Variants in SLC18A2 observed in about 807,000 individuals in gnomAD.
SLC18A2 encodes synaptic vesicular amine transporter.
In SLC18A2, 33 loss-of-function variants were observed where a neutral mutation model predicts 59.2. That is an observed-to-expected ratio of 0.56 (90% CI 0.42 to 0.75). The LOEUF is 0.75. Among genes scored for constraint, SLC18A2 ranks in the 30% least tolerant of loss-of-function variants. The pLI, the probability that SLC18A2 is intolerant of heterozygous loss-of-function variation, is 0.00. For synonymous variants in SLC18A2, 228 were observed against 253.5 expected (o/e 0.90, Z 0.95); for missense variants, 569 against 668.6 (o/e 0.85, Z 1.64).
intron 10 of SLC18A2, among the ~76,000 whole-genome samples, chr10:117,262,557 A>C (rs1410825150): frequency 6.6e-6 from 1 of 151,648 alleles, no homozygotes; most frequent in Non-Finnish European, 1.5e-5. Context: ...CCTTGAGGTG[A>C]TGTGGATCTC....
At chr10:117,268,416 A>G (rs1356584207) in intron 13 of SLC18A2, 1 of 152,260 alleles carries the variant, frequency 6.6e-6, no homozygotes, top group Non-Finnish European at 1.5e-5. Flanking sequence ...AGAACTCAGT[A>G]TGGTACTCTA....
At chr10:117,247,560 T>G (rs1844121413) in intron 3 of SLC18A2, among the ~76,000 whole-genome samples, 1 of 152,236 alleles carries the variant, frequency 6.6e-6, no homozygotes, top group African/African-American at 2.4e-5. Flanking sequence ...TCTGTCTTTC[T>G]TGCACTGACT....
In SLC18A2 at chr10:117,255,681, G is replaced by A. The variant is rs371737277; in HGVS notation, c.895+24G>A. 3.9e-5 allele frequency: 62 copies of A among 1,609,652 alleles called. 1 individual carries two copies. The highest frequency in any genetic ancestry group is 5.2e-5 in the Non-Finnish European group (61 of 1,179,042). ...AGGTGGGGCTCTGTGGGTCTTCTGA[G>A]TCAGGGGAATGCGAGGTGATGGCCG... On this transcript the variant is annotated intron_variant, in intron 9 of 15. Transcript: ENST00000644641.
intron 10 of SLC18A2, among the ~76,000 whole-genome samples, chr10:117,264,255 G>A (rs551910736): frequency 6.6e-6 from 1 of 152,344 alleles, no homozygotes; most frequent in Non-Finnish European, 1.5e-5. Context: ...CCATGGCCCA[G>A]GGCACTGTTG....
rs1296681962 is a variant in SLC18A2, at chr10:117,254,057, T to C, written c.533T>C (p.Phe178Ser). Reference sequence around the variant, plus strand: ...CCCCCTCTCTCGGCAGTGTTTGCCTTCTCCAGCAGCTATGCCTTCCTGCTG... The same window carrying C: ...CCCCCTCTCTCGGCAGTGTTTGCCTCCTCCAGCAGCTATGCCTTCCTGCTG... ...IMFVSTIMFAFSSSYAFLLIA... is the reference protein window; with the variant it reads ...IMFVSTIMFASSSSYAFLLIA... The change falls in exon 5 of 16, where the codon TTC becomes TCC. Residue 178 changes from phenylalanine to serine, a missense_variant. Around this residue, in one of 2 missense-constraint regions of SLC18A2, gnomAD observed 377 missense variants for 389.8 expected, o/e 0.97. Transcript: ENST00000644641. 1.9e-6 allele frequency: 3 copies of C among 1,613,422 alleles called. No individual in the cohort carries two copies. The highest frequency in any genetic ancestry group is 1.7e-6 in the Non-Finnish European group (2 of 1,180,026).
intron 1 of SLC18A2, 65 bp from the exon 2 acceptor site, chr10:117,241,614 C>G (rs571159852): frequency 6.9e-7 from 1 of 1,454,264 alleles, no homozygotes; most frequent in Admixed American, 2.5e-5. Context: ...CTTCCGCGGC[C>G]TGGGGGACGG....
intron 5 of SLC18A2, 59 bp downstream of exon 5, chr10:117,254,190 C>A: frequency 6.6e-7 from 1 of 1,526,476 alleles, no homozygotes. Context: ...GAGCTGGACT[C>A]ATTCAGGGAA....
At chr10:117,274,824 G>A (rs1284362403) in intron 15 of SLC18A2, among the ~76,000 whole-genome samples, 1 of 152,176 alleles carries the variant, frequency 6.6e-6, no homozygotes, top group African/African-American at 2.4e-5. Flanking sequence ...CCTTGCCTGT[G>A]CAGGGAGGTA....
rs1162602858 is a variant in SLC18A2, at chr10:117,278,676, A to C, written c.*1410A>C. The C allele has an allele frequency of 6.6e-6, 1 of 152,234 alleles. No homozygotes were observed. Among genetic ancestry groups the C allele is most frequent in the Non-Finnish European group, 1.5e-5 (1 of 68,044 alleles). 9.4% of individuals were successfully genotyped at this position (152,234 alleles called of 1,614,324 possible). A position where few individuals can be genotyped will look rare whatever the true frequency, so the allele number is the denominator to read the frequency against. ...TGTTAACTTCGACATCAAGGAGCAA[A>C]GAACTTTAGAACAGACTCCTCAATC... is the stretch of plus-strand genomic sequence containing the variant. On this transcript the variant is annotated 3_prime_UTR_variant, in exon 16 of 16. Coordinates refer to ENST00000644641, the MANE Select transcript of SLC18A2 (RefSeq NM_003054.6).
Position 117,269,200 on chromosome 10 carries a change from C to T in SLC18A2, c.1187-871C>T, listed in dbSNP as rs62637242. On this transcript the variant is annotated intron_variant, in intron 13 of 15. Coordinates refer to ENST00000644641, the MANE Select transcript of SLC18A2 (RefSeq NM_003054.6). The surrounding 1 kb of genome is among the most constrained non-coding windows in gnomAD (Gnocchi z 5.1). ...ATACACACATACACACACACCTACA[C>T]ACATACACATACACACACATACACA... Among the ~76,000 whole-genome samples, 342 of 94,700 alleles carry T rather than the reference C, an allele frequency of 3.6e-3. 4 individuals carry two copies. The highest frequency in any genetic ancestry group is 6.7e-3 in the Non-Finnish European group (282 of 42,172). 62.1% of individuals were successfully genotyped at this position (94,700 alleles called of 152,430 possible). A position where few individuals can be genotyped will look rare whatever the true frequency, so the allele number is the denominator to read the frequency against.
chr10:117,260,191 C>T (rs1244935429), intron 10 of SLC18A2, among the ~76,000 whole-genome samples: 3 of 152,200 alleles, frequency 2.0e-5, no homozygotes, highest in African/African-American at 7.2e-5. Context: ...GGTTGCCATT[C>T]TGGTTAATTT....
At chr10:117,243,778 G>A (rs1035118674) in intron 2 of SLC18A2, among the ~76,000 whole-genome samples, 193 bp from the exon 3 acceptor site, 44 of 152,148 alleles carry the variant, frequency 2.9e-4, no homozygotes, top group Middle Eastern at 6.8e-3. Context: ...TAGAGAGAGG[G>A]TTTCTCCATG....
intron 13 of SLC18A2, 196 bp downstream of exon 13, chr10:117,267,932 C>T: frequency 2.2e-6 from 1 of 463,300 alleles, no homozygotes. Flanking sequence ...TCATTTATTT[C>T]CTGAAAACCA....
intron 15 of SLC18A2, 152 bp from the exon 16 acceptor site, chr10:117,277,010 G>T: frequency 2.0e-6 from 1 of 508,074 alleles, no homozygotes. Context: ...AGGTCTTTTA[G>T]GTCAGGCGTC....
At chr10:117,246,667 T>G (rs1844113774) in intron 3 of SLC18A2, among the ~76,000 whole-genome samples, 1 of 152,064 alleles carries the variant, frequency 6.6e-6, no homozygotes, top group Non-Finnish European at 1.5e-5. Context: ...TTTTCTTTTT[T>G]TTTGAGATAG....
chr10:117,274,541 C>T (rs998919766), intron 15 of SLC18A2, among the ~76,000 whole-genome samples: 8 of 152,104 alleles, frequency 5.3e-5, no homozygotes, highest in Admixed American at 2.6e-4. Context: ...GCCTGGGAGC[C>T]GTGCAAGGAT....
intron 15 of SLC18A2, among the ~76,000 whole-genome samples, chr10:117,270,729 A>G (rs1311971095): frequency 6.6e-6 from 1 of 152,230 alleles, no homozygotes; most frequent in Non-Finnish European, 1.5e-5. Flanking sequence ...GACCAAGTAT[A>G]AACCTGGAAT....
intron 15 of SLC18A2, among the ~76,000 whole-genome samples, chr10:117,272,716 G>A (rs985284031): frequency 6.6e-6 from 1 of 152,166 alleles, no homozygotes; most frequent in African/African-American, 2.4e-5. Context: ...ACTTGAGAAG[G>A]TGTGCATCTC....
chr10:117,259,751 A>G (rs932018841), intron 10 of SLC18A2, among the ~76,000 whole-genome samples: 1 of 152,016 alleles, frequency 6.6e-6, no homozygotes, highest in African/African-American at 2.4e-5. Flanking sequence ...AGCCCGAGGG[A>G]CCTTTACTTC....
Sources: gnomAD v4.1 joint callset for allele counts (sites outside exome capture counted in the v4.1 genomes callset) on GRCh38, gnomAD v4.1.1 for gene constraint, gnomAD v4.1.1 regional missense constraint, Gnocchi (gnomAD v3.1) non-coding constraint, MANE v1.5 for transcripts, NCBI Gene and HGNC (gene_info 2026-07-23, HGNC 2026-07-21) for gene names.